Variants in CLSTN2 observed in about 807,000 individuals in gnomAD.
The protein encoded by CLSTN2 is calsyntenin-2.
Under a neutral mutation model 101.2 loss-of-function variants are expected in CLSTN2, and 48 were observed. That is an observed-to-expected ratio of 0.47 (90% CI 0.38 to 0.60). The LOEUF (loss-of-function observed/expected upper bound fraction) is 0.60. Ranked by LOEUF, CLSTN2 falls within the 20% of genes least tolerant of loss-of-function variation. The pLI is 0.00. For synonymous variants in CLSTN2, 481 were observed against 463.6 expected (o/e 1.04, Z -0.48); for missense variants, 1,160 against 1,238.2 (o/e 0.94, Z 0.95).
chr3:140,456,846 T>G (rs1933412881), intron 6 of CLSTN2, among the ~76,000 whole-genome samples: 1 of 151,850 alleles, frequency 6.6e-6, no homozygotes, highest in South Asian at 2.1e-4. Context: ...ATATTGGATA[T>G]ATCTATAGAA....
At chr3:140,302,548 G>T (rs1353914413) in intron 2 of CLSTN2, among the ~76,000 whole-genome samples, 1 of 152,146 alleles carries the variant, frequency 6.6e-6, no homozygotes, top group Non-Finnish European at 1.5e-5. Flanking sequence ...GAAAAATATG[G>T]TCTTCAAAGC....
chr3:140,546,942 T>C (rs532380556), intron 10 of CLSTN2, among the ~76,000 whole-genome samples: 22 of 152,324 alleles, frequency 1.4e-4, no homozygotes, highest in Non-Finnish European at 1.6e-4. Context: ...AGCAGGCACA[T>C]GTTCAATGTC....
chr3:140,184,945 G>T (rs1391877611), intron 2 of CLSTN2, among the ~76,000 whole-genome samples: 2 of 152,138 alleles, frequency 1.3e-5, no homozygotes, highest in African/African-American at 4.8e-5. Flanking sequence ...ACTCCAAGAG[G>T]AGAAGAATGG....
intron 2 of CLSTN2, among the ~76,000 whole-genome samples, chr3:140,235,441 T>A (rs907998103): frequency 6.6e-6 from 1 of 152,186 alleles, no homozygotes; most frequent in African/African-American, 2.4e-5. Flanking sequence ...GTGGTCTGTG[T>A]TGGCAGAAAT....
chr3:140,558,933 A>ATG, intron 12 of CLSTN2, 76 bp downstream of exon 12: 5 of 1,171,568 alleles, frequency 4.3e-6, no homozygotes, highest in Non-Finnish European at 6.2e-6. Flanking sequence ...CTTCAGAACA[A>ATG]CAGCATTGTT....
At chr3:140,033,850 A>T (rs2007605536) in intron 1 of CLSTN2, among the ~76,000 whole-genome samples, 1 of 152,182 alleles carries the variant, frequency 6.6e-6, no homozygotes, top group Admixed American at 6.5e-5. Context: ...AGATCTAAAA[A>T]TTGTAGCCCA....
intron 2 of CLSTN2, among the ~76,000 whole-genome samples, chr3:140,344,352 G>A (rs949840275): frequency 6.6e-6 from 1 of 152,214 alleles, no homozygotes; most frequent in Non-Finnish European, 1.5e-5. Flanking sequence ...CATTAAGCCT[G>A]TGCTCACGTC....
Position 140,564,137 on chromosome 3 carries a change from C to T in CLSTN2, c.2659C>T (p.Pro887Ser). ...DDSALTITVN[P>S]MEKHEGPGHG... is the part of the protein sequence containing the mutation. ...TTCTGCGCTGACTATCACAGTCAAC[C>T]CCATGGAGGTGATCCTCATGCACGG... The change falls in exon 16 of 17, where the codon CCC becomes TCC. Residue 887 changes from proline (P) to serine (S), a missense_variant. Pro to Ser is a moderately conservative substitution (Grantham distance 74, BLOSUM62 -1). Transcript: ENST00000458420. The T allele has an allele frequency of 6.2e-7, 1 of 1,613,784 alleles. No homozygotes were observed.
At chr3:140,246,526 T>G (rs920020217) in intron 2 of CLSTN2, among the ~76,000 whole-genome samples, 1 of 152,196 alleles carries the variant, frequency 6.6e-6, no homozygotes, top group African/African-American at 2.4e-5. Context: ...TTCCTAGGCC[T>G]GTGTTTTCTG....
At chr3:139,973,109 T>C (rs1309842428) in intron 1 of CLSTN2, among the ~76,000 whole-genome samples, 1 of 152,250 alleles carries the variant, frequency 6.6e-6, no homozygotes, top group African/African-American at 2.4e-5. Context: ...CTGAGGGCTT[T>C]CGTGGCAGAT....
At chr3:140,432,544 A>G (rs1226899599) in intron 5 of CLSTN2, among the ~76,000 whole-genome samples, 2 of 152,150 alleles carry the variant, frequency 1.3e-5, no homozygotes, top group Non-Finnish European at 2.9e-5. Flanking sequence ...CTTCTGGCGG[A>G]GGGCCTCGTG....
At position 140,563,129 on chromosome 3, in the gene CLSTN2, A is replaced by T; in HGVS notation, c.2408A>T (p.His803Leu). ...GTCTCAGATAAGGAGCATGTCAATC[A>T]TCTGATTGTGCAGCCTCCCTTCCTC... Reference protein sequence around the residue: ...DQVSDKEHVNHLIVQPPFLQS... With the variant: ...DQVSDKEHVNLLIVQPPFLQS... The change falls in exon 15 of 17, where the codon CAT (histidine) becomes CTT (leucine). Residue 803 changes from histidine to leucine, a missense_variant. His to Leu is a moderately conservative substitution (Grantham distance 99). Transcript: ENST00000458420. 6.2e-7 allele frequency: 1 copy of T among 1,614,072 alleles called. No individual in the cohort carries two copies. Among genetic ancestry groups the T allele is most frequent in the South Asian group, 1.1e-5 (1 of 91,070 alleles).
intron 8 of CLSTN2, among the ~76,000 whole-genome samples, chr3:140,496,962 G>A (rs142464291): frequency 1.1e-4 from 17 of 152,216 alleles, no homozygotes; most frequent in African/African-American, 3.6e-4. Context: ...TTAGCCGGAC[G>A]TGGTGGCATG....
intron 1 of CLSTN2, among the ~76,000 whole-genome samples, chr3:140,127,431 A>G (rs1206730472): frequency 1.3e-5 from 2 of 152,204 alleles, no homozygotes; most frequent in African/African-American, 4.8e-5. Context: ...AGGTTTAACT[A>G]TGATTACTAA....
intron 5 of CLSTN2, among the ~76,000 whole-genome samples, chr3:140,439,877 A>C (rs1576568672): frequency 6.6e-6 from 1 of 152,298 alleles, no homozygotes; most frequent in Middle Eastern, 3.4e-3. Context: ...ATCCTATGTG[A>C]GAATTGGAGT....
At chr3:140,237,485 G>A (rs1012395763) in intron 2 of CLSTN2, among the ~76,000 whole-genome samples, 5 of 152,026 alleles carry the variant, frequency 3.3e-5, no homozygotes, top group African/African-American at 7.2e-5. Flanking sequence ...TGGTTGTCTC[G>A]CTATGCGTCT....
At chr3:140,163,762 G>T (rs1255786541) in intron 1 of CLSTN2, among the ~76,000 whole-genome samples, 4 of 151,392 alleles carry the variant, frequency 2.6e-5, no homozygotes, top group African/African-American at 7.3e-5. Context: ...CATCCATGAA[G>T]TGGAGCCAAT....
chr3:140,156,319 C>G (rs182736770), intron 1 of CLSTN2, among the ~76,000 whole-genome samples: 1 of 152,202 alleles, frequency 6.6e-6, no homozygotes, highest in African/African-American at 2.4e-5. Flanking sequence ...TCTAAATCAA[C>G]CACTGCTAGA....
chr3:140,182,087 A>G (rs1413695051), intron 2 of CLSTN2, among the ~76,000 whole-genome samples: 1 of 152,216 alleles, frequency 6.6e-6, no homozygotes, highest in Non-Finnish European at 1.5e-5. Context: ...GACATCTTCA[A>G]TACCACTCAA....
Sources: allele counts gnomAD v4.1 joint callset (sites outside exome capture counted in the v4.1 genomes callset), GRCh38; gene constraint gnomAD v4.1.1; transcripts MANE v1.5; gene names NCBI Gene and HGNC (gene_info 2026-07-23, HGNC 2026-07-21).